Variants in CRACDL observed in about 807,000 individuals in gnomAD.
The protein encoded by CRACDL is CRACD like.
Under a neutral mutation model 70.6 loss-of-function variants are expected in CRACDL, and 26 were observed. That is an observed-to-expected ratio of 0.37 (90% CI 0.27 to 0.51). The LOEUF (loss-of-function observed/expected upper bound fraction) is 0.51, where lower values mean the gene tolerates loss of function less well. CRACDL is among the 20% of genes least tolerant of loss of function. The pLI is 0.94. For missense variants in CRACDL, 1,283 were observed against 1,376.9 expected, an observed-to-expected ratio of 0.93 and a Z score of 1.08; for synonymous variants, 618 against 615.2, an observed-to-expected ratio of 1.00 and a Z score of -0.07.
intron 7 of CRACDL, among the ~76,000 whole-genome samples, chr2:98,808,253 G>A (rs941271737): frequency 5.9e-5 from 9 of 152,264 alleles, no homozygotes; most frequent in South Asian, 4.2e-4. Context: ...TTTGAGAAGC[G>A]CCGCTGTCCT....
At position 98,807,655 on chromosome 2, in the gene CRACDL, T is replaced by C. The variant is rs370728664; in HGVS notation, c.2417-10118A>G. 4.9e-3 allele frequency among the ~76,000 whole-genome samples: 752 copies of C among 152,352 alleles called. 1 individual carries two copies. Among genetic ancestry groups the C allele is most frequent in the African/African-American group, 0.016 (671 of 41,576 alleles). ...TGCAAGTTCTTTAACCTAAGTTTCT[T>C]TTCTTATTTACTAAATAGAATTGTT... is the stretch of plus-strand genomic sequence containing the variant. On this transcript the variant is annotated intron_variant, in intron 7 of 9. Coordinates refer to ENST00000397899, the MANE Select transcript of CRACDL (RefSeq NM_207362.3).
intron 1 of CRACDL, among the ~76,000 whole-genome samples, chr2:98,871,237 A>C (rs1018676987): frequency 2.0e-5 from 3 of 152,214 alleles, no homozygotes; most frequent in Admixed American, 1.3e-4. Context: ...GAATTTATAA[A>C]CTGCAACAGA....
chr2:98,833,032 C>A, intron 3 of CRACDL, 35 bp from the exon 4 acceptor site: 7 of 1,583,426 alleles, frequency 4.4e-6, no homozygotes, highest in Non-Finnish European at 6.0e-6. Flanking sequence ...ACTCTGCCCA[C>A]CTCCATCTTA....
intron 1 of CRACDL, among the ~76,000 whole-genome samples, chr2:98,892,243 T>C (rs1707997550): frequency 6.6e-6 from 1 of 152,090 alleles, no homozygotes; most frequent in South Asian, 2.1e-4. Flanking sequence ...ATAAATATAT[T>C]CCCAGCAGTC....
intron 1 of CRACDL, among the ~76,000 whole-genome samples, chr2:98,903,189 T>C (rs1432864927): frequency 2.6e-5 from 4 of 152,074 alleles, no homozygotes; most frequent in South Asian, 4.1e-4. Context: ...GGGCTTCACA[T>C]GAACTGGCAG....
At chr2:98,863,773 GA>G (rs1184412667) in intron 1 of CRACDL, among the ~76,000 whole-genome samples, 1 of 152,128 alleles carries the variant, frequency 6.6e-6, no homozygotes, top group Non-Finnish European at 1.5e-5. Flanking sequence ...GGTATATCAG[GA>G]CATAACCCCA....
rs538706006 is a variant in CRACDL at position 98,903,280 on chromosome 2, C to A, written c.-11+32658G>T. Among the ~76,000 whole-genome samples the A allele has an allele frequency of 1.4e-4, 22 of 152,270 alleles. No homozygotes were observed. The East Asian group carries it at 3.7e-3, about 25-fold the overall frequency. The stretch of plus-strand genomic sequence containing the variant: ...AGCTTCCCTCACTGCTGCATAGACT[C>A]ACGGCAAGGCTCACACCGAGTGCGT... On this transcript the variant is annotated intron_variant, in intron 1 of 9. Coordinates refer to ENST00000397899, the MANE Select transcript of CRACDL (RefSeq NM_207362.3).
At chr2:98,818,509 G>C (rs1704884869) in intron 7 of CRACDL, among the ~76,000 whole-genome samples, 1 of 152,214 alleles carries the variant, frequency 6.6e-6, no homozygotes, top group African/African-American at 2.4e-5. Flanking sequence ...ACATGCCCTG[G>C]AGGGAGGACG....
chr2:98,933,532 CTT>C (rs1407138777), intron 1 of CRACDL, among the ~76,000 whole-genome samples: 2 of 152,218 alleles, frequency 1.3e-5, no homozygotes, highest in African/African-American at 4.8e-5. Context: ...ATCAAGCTCA[CTT>C]ACACAAAATT....
intron 1 of CRACDL, among the ~76,000 whole-genome samples, chr2:98,867,550 C>A (rs1452372593): frequency 6.6e-6 from 1 of 151,922 alleles, no homozygotes; most frequent in Non-Finnish European, 1.5e-5. Flanking sequence ...AAAAAAAAAA[C>A]TATCAGAGAC....
At chr2:98,883,992 A>C (rs1285355791) in intron 1 of CRACDL, among the ~76,000 whole-genome samples, 1 of 152,172 alleles carries the variant, frequency 6.6e-6, no homozygotes, top group Non-Finnish European at 1.5e-5. Flanking sequence ...TGGGATTCAG[A>C]AATAGTGCCG....
chr2:98,836,426 T>C (rs1705784552), intron 3 of CRACDL, among the ~76,000 whole-genome samples: 1 of 152,116 alleles, frequency 6.6e-6, no homozygotes, highest in Non-Finnish European at 1.5e-5. Flanking sequence ...TTGCCTAGCA[T>C]CAAAACCAGC....
chr2:98,848,475 G>A (rs1706351345), intron 1 of CRACDL, among the ~76,000 whole-genome samples: 1 of 152,132 alleles, frequency 6.6e-6, no homozygotes. Flanking sequence ...TCCCCTCAGT[G>A]CCATCTCCTG....
At chr2:98,801,648 T>C (rs778716508) in intron 7 of CRACDL, among the ~76,000 whole-genome samples, 3 of 152,212 alleles carry the variant, frequency 2.0e-5, no homozygotes, top group African/African-American at 4.8e-5. Flanking sequence ...CAGTGTGGTT[T>C]TGAAGATAAG....
At chr2:98,895,365 G>A (rs1157192163) in intron 1 of CRACDL, among the ~76,000 whole-genome samples, 1 of 152,218 alleles carries the variant, frequency 6.6e-6, no homozygotes, top group Non-Finnish European at 1.5e-5. Flanking sequence ...AAGGACGGAC[G>A]CTCAGCTTGG....
intron 1 of CRACDL, among the ~76,000 whole-genome samples, chr2:98,894,594 G>A (rs1708069687): frequency 6.6e-6 from 1 of 152,180 alleles, no homozygotes; most frequent in East Asian, 1.9e-4. Context: ...TATACGCAAT[G>A]AGAAAACAGG....
chr2:98,890,653 G>T (rs1190399764), intron 1 of CRACDL, among the ~76,000 whole-genome samples: 1 of 152,134 alleles, frequency 6.6e-6, no homozygotes, highest in Non-Finnish European at 1.5e-5. Flanking sequence ...CCAGATTTTT[G>T]AATATTTTAC....
At chr2:98,848,291 A>C (rs943063234) in intron 1 of CRACDL, among the ~76,000 whole-genome samples, 7 of 151,928 alleles carry the variant, frequency 4.6e-5, no homozygotes, top group Admixed American at 4.6e-4. Flanking sequence ...TCCAAAGGTC[A>C]CCCCCTCAAT....
At chr2:98,829,982 C>A (rs885115) in intron 5 of CRACDL, among the ~76,000 whole-genome samples, 44 of 152,218 alleles carry the variant, frequency 2.9e-4, no homozygotes, top group African/African-American at 1.1e-3. Context: ...ATAAGCCTGC[C>A]TGAGGCCTCC....
Sources: allele counts gnomAD v4.1 joint callset (sites outside exome capture counted in the v4.1 genomes callset), GRCh38; gene constraint gnomAD v4.1.1; transcripts MANE v1.5; gene names NCBI Gene and HGNC (gene_info 2026-07-23, HGNC 2026-07-21).